Variants in DCDC2 observed in about 807,000 individuals in gnomAD.
DCDC2 encodes doublecortin domain containing 2.
Under a neutral mutation model 50.2 loss-of-function variants are expected in DCDC2, and 40 were observed. That is an observed-to-expected ratio of 0.80 (90% CI 0.62 to 1.04). The LOEUF is 1.04. DCDC2 is among the 50% of genes least tolerant of loss of function. The pLI is 0.00. For synonymous variants in DCDC2, 234 were observed against 210.6 expected, an observed-to-expected ratio of 1.11 and a Z score of -0.96; for missense variants, 570 against 581.9, an observed-to-expected ratio of 0.98 and a Z score of 0.21.
chr6:24,382,262 A>C, the DCDC2 span, among the ~76,000 whole-genome samples: 4 of 152,086 alleles, frequency 2.6e-5, no homozygotes, highest in Non-Finnish European at 4.4e-5. Context: ...AGACTCCGGC[A>C]AATACCTCAG....
intron 1 of DCDC2, among the ~76,000 whole-genome samples, chr6:24,354,623 T>G (rs1049803805): frequency 8.5e-5 from 13 of 152,142 alleles, no homozygotes; most frequent in Non-Finnish European, 1.0e-4. Context: ...ATGGGTCTTT[T>G]GTGGACCTGC....
intron 6 of DCDC2, among the ~76,000 whole-genome samples, chr6:24,284,048 C>T (rs1261738194): frequency 3.3e-5 from 5 of 152,176 alleles, no homozygotes; most frequent in African/African-American, 9.7e-5. Context: ...ATGTAACCTC[C>T]GTGCATTTAG....
chr6:24,298,670 T>C (rs189330388), intron 4 of DCDC2, among the ~76,000 whole-genome samples: 5 of 152,290 alleles, frequency 3.3e-5, no homozygotes, highest in Admixed American at 2.6e-4. Context: ...AAATAGTCAA[T>C]AGATGATGTT....
At chr6:24,345,163 A>G (rs1205301009) in intron 2 of DCDC2, among the ~76,000 whole-genome samples, 1 of 152,180 alleles carries the variant, frequency 6.6e-6, no homozygotes, top group Non-Finnish European at 1.5e-5. Flanking sequence ...GCTAAAGGTT[A>G]GTGAGTTAAA....
intron 7 of DCDC2, among the ~76,000 whole-genome samples, chr6:24,257,566 T>C (rs1019184887): frequency 3.9e-5 from 6 of 152,170 alleles, no homozygotes; most frequent in Non-Finnish European, 7.3e-5. Context: ...ATGATGCCAC[T>C]GTTAGTCTTA....
intron 2 of DCDC2, among the ~76,000 whole-genome samples, chr6:24,322,981 C>T (rs1187045479): frequency 1.3e-5 from 2 of 152,280 alleles, no homozygotes; most frequent in East Asian, 3.9e-4. Context: ...TTGACATCTC[C>T]AAAAATGAAT....
At chr6:24,217,671 G>A (rs1762011799) in intron 7 of DCDC2, among the ~76,000 whole-genome samples, 1 of 152,130 alleles carries the variant, frequency 6.6e-6, no homozygotes, top group African/African-American at 2.4e-5. Context: ...AACTGTTCTA[G>A]AATTTTACAG....
At chr6:24,213,262 A>G (rs532441195) in intron 7 of DCDC2, among the ~76,000 whole-genome samples, 1 of 152,172 alleles carries the variant, frequency 6.6e-6, no homozygotes, top group Non-Finnish European at 1.5e-5. Flanking sequence ...CTTTATAAAA[A>G]TCTTAGTTAT....
At chr6:24,244,811 A>G (rs778596627) in intron 7 of DCDC2, among the ~76,000 whole-genome samples, 18 of 152,270 alleles carry the variant, frequency 1.2e-4, no homozygotes, top group Non-Finnish European at 2.2e-4. Flanking sequence ...AATCTTATGT[A>G]GCTGAAATGT....
chr6:24,185,692 C>CAT (rs1179574423), intron 8 of DCDC2, among the ~76,000 whole-genome samples: 1 of 38,848 alleles, frequency 2.6e-5, no homozygotes, highest in Admixed American at 2.2e-4. Flanking sequence ...TACACATACA[C>CAT]ACACACACAC....
At chr6:24,261,422 T>C (rs1478218863) in intron 7 of DCDC2, among the ~76,000 whole-genome samples, 2 of 152,072 alleles carry the variant, frequency 1.3e-5, no homozygotes, top group Non-Finnish European at 2.9e-5. Context: ...TGCCTGAATC[T>C]CTTCTCTGGC....
rs956552685 is a variant in DCDC2, at chr6:24,243,472, G to A, written c.922+34577C>T. 5.9e-5 allele frequency among the ~76,000 whole-genome samples: 9 copies of A among 152,224 alleles called. No individual in the cohort carries two copies. The East Asian group carries it at 1.7e-3, about 29-fold the overall frequency. On this transcript the variant is annotated intron_variant, in intron 7 of 9. Transcript: ENST00000378454. ...AGGCTAAAAGAGTCTTACCTCATGG[G>A]GTCATTAGGACTCAATGATTTAATG...
chr6:24,330,200 T>C (rs1053021715), intron 2 of DCDC2, among the ~76,000 whole-genome samples: 1 of 152,214 alleles, frequency 6.6e-6, no homozygotes, highest in African/African-American at 2.4e-5. Context: ...GGCTGATCCC[T>C]CCTGGTATTA....
chr6:24,307,512 T>G (rs539473089), intron 2 of DCDC2, among the ~76,000 whole-genome samples: 47 of 152,310 alleles, frequency 3.1e-4, no homozygotes, highest in African/African-American at 1.1e-3. Flanking sequence ...CGTATGGATT[T>G]AAGGAAAAGT....
chr6:24,189,949 C>A (rs1761280657), intron 8 of DCDC2, among the ~76,000 whole-genome samples: 1 of 151,878 alleles, frequency 6.6e-6, no homozygotes, highest in South Asian at 2.1e-4. Context: ...TATTTCTGTT[C>A]CCATGGAAAC....
intron 4 of DCDC2, among the ~76,000 whole-genome samples, chr6:24,298,656 TAAG>T: frequency 6.6e-6 from 1 of 152,242 alleles, no homozygotes. Context: ...GCCTGACACA[TAAG>T]AAATAGTCAA....
chr6:24,319,720 A>G (rs1416690292), intron 2 of DCDC2, among the ~76,000 whole-genome samples: 4 of 152,172 alleles, frequency 2.6e-5, no homozygotes, highest in Non-Finnish European at 5.9e-5. Context: ...AAAGGACAGG[A>G]TAAGGACAGG....
chr6:24,236,355 G>A (rs1232693958), intron 7 of DCDC2, among the ~76,000 whole-genome samples: 2 of 152,146 alleles, frequency 1.3e-5, no homozygotes, highest in African/African-American at 2.4e-5. Context: ...TCGACACATG[G>A]TGCTGGGAAA....
chr6:24,209,806 C>T (rs567488936), intron 7 of DCDC2, among the ~76,000 whole-genome samples: 57 of 152,180 alleles, frequency 3.7e-4, no homozygotes, highest in Non-Finnish European at 6.2e-4. Context: ...AATGGGATGG[C>T]GCATCATCTC....
Sources: allele counts gnomAD v4.1 joint callset (sites outside exome capture counted in the v4.1 genomes callset), GRCh38; gene constraint gnomAD v4.1.1; transcripts MANE v1.5; gene names NCBI Gene and HGNC (gene_info 2026-07-23, HGNC 2026-07-21).